Variants in NLGN4X observed in about 807,000 individuals in gnomAD.
NLGN4X encodes neuroligin 4 X-linked.
A neutral mutation model predicts 40.3 loss-of-function variants in NLGN4X; 3 were observed. The observed-to-expected ratio is 0.07, with a 90% CI of 0.03 to 0.19. NLGN4X has a LOEUF of 0.19. Ranked by LOEUF, NLGN4X falls within the 10% of genes least tolerant of loss-of-function variation. The pLI is 1.00. For synonymous variants in NLGN4X, 270 were observed against 306.8 expected (o/e 0.88, Z 1.25); for missense variants, 382 against 708.3 (o/e 0.54, Z 5.23).
chrX:6,043,682 G>A (rs775004708), intron 2 of NLGN4X, among the ~76,000 whole-genome samples: 1 of 111,760 alleles, frequency 8.9e-6, no homozygotes, highest in East Asian at 2.8e-4. Flanking sequence ...CGCCCTTAGC[G>A]TTTCTTGTGT....
At chrX:6,111,866 T>C (rs1480376261) in intron 2 of NLGN4X, among the ~76,000 whole-genome samples, 1 of 112,018 alleles carries the variant, frequency 8.9e-6, no homozygotes, top group Non-Finnish European at 1.9e-5. Flanking sequence ...TATTAAAACA[T>C]ACATTTATAG....
intron 3 of NLGN4X, among the ~76,000 whole-genome samples, chrX:5,967,773 T>C (rs1186211541): frequency 9.0e-6 from 1 of 111,183 alleles, no homozygotes; most frequent in Non-Finnish European, 1.9e-5. Context: ...GAAAAGCACA[T>C]GAAGGACACA....
chrX:5,907,538 G>A (rs1163614079), intron 4 of NLGN4X, among the ~76,000 whole-genome samples: 2 of 111,756 alleles, frequency 1.8e-5, no homozygotes, highest in Non-Finnish European at 3.8e-5. Context: ...GGTTGGGTAC[G>A]GGTGCCTATG....
At chrX:6,157,973 T>C (rs186624499) in intron 1 of NLGN4X, among the ~76,000 whole-genome samples, 4 of 112,254 alleles carry the variant, frequency 3.6e-5, no homozygotes. Context: ...CTGTGATGCA[T>C]TTTTTCTTCT....
chrX:6,203,774 G>C (rs1052488981), intron 1 of NLGN4X, among the ~76,000 whole-genome samples: 3 of 112,555 alleles, frequency 2.7e-5, no homozygotes, highest in Non-Finnish European at 5.6e-5. Context: ...GAACTGGCCA[G>C]CTACACTGCT....
At chrX:5,909,614 C>CA (rs1310151612) in intron 3 of NLGN4X, among the ~76,000 whole-genome samples, 9 of 100,690 alleles carry the variant, frequency 8.9e-5, no homozygotes, top group African/African-American at 3.0e-4. Flanking sequence ...CAGACTCCTA[C>CA]AAGAAATTTT....
chrX:5,963,406 T>TA (rs2034725760), intron 3 of NLGN4X, among the ~76,000 whole-genome samples: 1 of 111,892 alleles, frequency 8.9e-6, no homozygotes, highest in Non-Finnish European at 1.9e-5. Context: ...GTGTGAGTGA[T>TA]AAAAGTAGAT....
chrX:5,993,336 G>A (rs2035734604), intron 3 of NLGN4X, among the ~76,000 whole-genome samples: 1 of 111,164 alleles, frequency 9.0e-6, no homozygotes, highest in African/African-American at 3.3e-5. Context: ...TTTTAAATAT[G>A]AGTAAGAAAA....
chrX:6,060,237 A>G (rs746725370), intron 2 of NLGN4X, among the ~76,000 whole-genome samples: 1 of 111,963 alleles, frequency 8.9e-6, no homozygotes, highest in East Asian at 2.8e-4. Context: ...AGAAAGTGAC[A>G]AATGGTTTTG....
intron 2 of NLGN4X, among the ~76,000 whole-genome samples, chrX:6,116,290 C>CAAAA (rs758019203): frequency 6.2e-5 from 1 of 16,163 alleles, no homozygotes; most frequent in African/African-American, 2.4e-4. Flanking sequence ...GAGACTCTGT[C>CAAAA]AAAAAAAAAA....
chrX:6,117,766 G>A (rs2039335213), intron 2 of NLGN4X, among the ~76,000 whole-genome samples: 1 of 111,074 alleles, frequency 9.0e-6, no homozygotes, highest in Admixed American at 9.5e-5. Flanking sequence ...CCAGAGAATA[G>A]AAAAATGCTT....
At position 6,122,669 on chromosome X, in the gene NLGN4X, T is replaced by C. The variant is rs758183286; in HGVS notation, c.472+28326A>G. On this transcript the variant is annotated intron_variant, in intron 2 of 5. Transcript: ENST00000381095. ...CAAAGCACTTAAAAGAAAAGGAACA[T>C]CCTATTTAAAAAATAATAATAATAA... 5.5e-5 allele frequency among the ~76,000 whole-genome samples: 6 copies of C among 109,712 alleles called. No individual in the cohort carries two copies. In the East Asian group the frequency reaches 1.7e-3, roughly 31 times the overall value.
intron 3 of NLGN4X, among the ~76,000 whole-genome samples, chrX:6,010,660 C>T (rs148990521): frequency 7.7e-4 from 84 of 108,747 alleles, no homozygotes; most frequent in Middle Eastern, 4.8e-3. Flanking sequence ...TCCCAAGTAG[C>T]TGGGATTACA....
intron 2 of NLGN4X, among the ~76,000 whole-genome samples, chrX:6,120,118 T>C (rs181374590): frequency 2.2e-3 from 248 of 111,193 alleles, no homozygotes; most frequent in African/African-American, 7.3e-3. Flanking sequence ...GAAGCTGCAA[T>C]GAGCCATGAT....
intron 2 of NLGN4X, among the ~76,000 whole-genome samples, chrX:6,057,391 G>A: frequency 8.9e-6 from 1 of 111,804 alleles, no homozygotes; most frequent in Non-Finnish European, 1.9e-5. Context: ...TAATTCTCAA[G>A]CACACCAAGG....
intron 3 of NLGN4X, among the ~76,000 whole-genome samples, chrX:6,011,293 G>T (rs1190916228): frequency 9.1e-6 from 1 of 109,669 alleles, no homozygotes; most frequent in East Asian, 2.9e-4. Context: ...ATTCATGCTG[G>T]CCAAAAGTAA....
chrX:6,198,585 G>A (rs1199641418), intron 1 of NLGN4X, among the ~76,000 whole-genome samples: 2 of 111,983 alleles, frequency 1.8e-5, no homozygotes, highest in Admixed American at 1.9e-4. Flanking sequence ...GCATCATTAA[G>A]GCAAGTGCTT....
chrX:6,177,644 T>C (rs970438823), intron 1 of NLGN4X, among the ~76,000 whole-genome samples: 1 of 111,820 alleles, frequency 8.9e-6, no homozygotes, highest in Non-Finnish European at 1.9e-5. Flanking sequence ...TGATGAAAGC[T>C]CTACAAAGTT....
chrX:6,224,770 A>G (rs752039444), intron 1 of NLGN4X, among the ~76,000 whole-genome samples: 3 of 108,433 alleles, frequency 2.8e-5, no homozygotes, highest in East Asian at 5.8e-4. Context: ...CAATTCTTCC[A>G]CTGGAGAAGA....
Sources: allele counts gnomAD v4.1 joint callset (sites outside exome capture counted in the v4.1 genomes callset), GRCh38; gene constraint gnomAD v4.1.1; transcripts MANE v1.5; gene names NCBI Gene and HGNC (gene_info 2026-07-23, HGNC 2026-07-21).